The following LMF1 variants were observed in gnomAD, a reference collection of about 807,000 sequenced individuals.
LMF1 encodes the protein transmembrane protein 112.
A neutral mutation model predicts 60.6 loss-of-function variants in LMF1; 68 were observed. That is an observed-to-expected ratio of 1.12 (90% CI 0.92 to 1.37). The LOEUF is 1.37. Ranked by LOEUF, LMF1 falls within the 40% of genes most tolerant of loss-of-function variation. LMF1 has a pLI of 0.00. For synonymous variants in LMF1, 418 were observed against 324.7 expected (o/e 1.29, Z -3.09); for missense variants, 948 against 767.2 (o/e 1.24, Z -2.78).
chr16:866,205 T>C (rs559824475), intron 10 of LMF1, among the ~76,000 whole-genome samples: 1 of 152,322 alleles, frequency 6.6e-6, no homozygotes, highest in South Asian at 2.1e-4. Flanking sequence ...TATTAGGAGA[T>C]TTTGGATCTT....
rs79103846 is a variant in LMF1 at position 930,022 on chromosome 16, C to T, written c.514+4222G>A. On this transcript the variant is annotated intron_variant, in intron 3 of 10. Coordinates refer to ENST00000262301, the MANE Select transcript of LMF1 (RefSeq NM_022773.4). The stretch of plus-strand genomic sequence containing the variant: ...AGCCCAGGACAGCAGTGGTCGCGTC[C>T]GTGTGAACGGGGGCACAGGGCCCTG... 2.7e-5 allele frequency among the ~76,000 whole-genome samples: 4 copies of T among 145,508 alleles called. No homozygotes were observed. In the South Asian group the frequency reaches 6.6e-4, roughly 24 times the overall value.
chr16:929,662 C>T (rs981388739), intron 3 of LMF1, among the ~76,000 whole-genome samples: 3 of 152,264 alleles, frequency 2.0e-5, no homozygotes, highest in Non-Finnish European at 2.9e-5. Flanking sequence ...AATTCATTAC[C>T]GTCAGGCTCC....
At chr16:945,199 G>A (rs1258273146) in intron 2 of LMF1, among the ~76,000 whole-genome samples, 4 of 90,832 alleles carry the variant, frequency 4.4e-5, no homozygotes, top group South Asian at 4.4e-4. Flanking sequence ...CGACAAGAGC[G>A]AGACTCCATC....
intron 3 of LMF1, among the ~76,000 whole-genome samples, chr16:931,366 G>A (rs1009404185): frequency 5.9e-5 from 9 of 152,238 alleles, no homozygotes; most frequent in African/African-American, 1.4e-4. Flanking sequence ...TTTGCGGGCC[G>A]CAGGGTCCCA....
intron 2 of LMF1, among the ~76,000 whole-genome samples, chr16:940,211 C>T (rs780376050): frequency 1.1e-4 from 17 of 152,122 alleles, no homozygotes; most frequent in Non-Finnish European, 2.4e-4. Context: ...CTGGCCCTGC[C>T]GACACCCTGA....
At chr16:970,082 C>T (rs1423415635) in intron 1 of LMF1, among the ~76,000 whole-genome samples, 52 of 152,248 alleles carry the variant, frequency 3.4e-4, no homozygotes, top group Non-Finnish European at 1.5e-5. Context: ...GCAGGCTTCA[C>T]TTGCAGATGA....
chr16:862,078 C>G (rs1026885111), intron 10 of LMF1, among the ~76,000 whole-genome samples: 5 of 151,192 alleles, frequency 3.3e-5, no homozygotes, highest in African/African-American at 1.2e-4. Context: ...ATCTCATCGA[C>G]TGATTCTCAA....
intron 5 of LMF1, among the ~76,000 whole-genome samples, chr16:888,592 C>A (rs906452390): frequency 2.2e-4 from 34 of 152,228 alleles, no homozygotes; most frequent in African/African-American, 8.2e-4. Context: ...CATTCACAAC[C>A]TGCTGTTGCA....
At chr16:894,869 A>G (rs565460700) in intron 4 of LMF1, among the ~76,000 whole-genome samples, 1 of 152,272 alleles carries the variant, frequency 6.6e-6, no homozygotes, top group South Asian at 2.1e-4. Context: ...GGGTTTCCAC[A>G]CGAAATGGAA....
rs539750134 is a variant in LMF1 at position 871,196 on chromosome 16, C to T, written c.1043G>A (p.Arg348Lys). 1 of 1,609,874 alleles carries T rather than the reference C, an allele frequency of 6.2e-7. No homozygotes were observed. Among genetic ancestry groups the T allele is most frequent in the Non-Finnish European group, 8.5e-7 (1 of 1,178,844 alleles). ...SLKDRVLQMQ[R>K]DIRGARPEPR... ...CTCGGGCCGGGCCCCTCGGATGTCCCTCTGCATCTGCAGAACTCGGTCCTT... is the reference window on the plus strand; with the variant it reads ...CTCGGGCCGGGCCCCTCGGATGTCCTTCTGCATCTGCAGAACTCGGTCCTT... The change falls in exon 7 of 11, where the codon AGG becomes AAG. Residue 348 changes from arginine to lysine, a missense_variant. Transcript: ENST00000262301.
Position 874,984 on chromosome 16 carries a change from A to G in LMF1, c.898-3643T>C, listed in dbSNP as rs983693814. ...CACACTGCCTGTGAGGGGGCAGGAT[A>G]CATCGCAGCCGGGACTGCCGGCCGA... On this transcript the variant is annotated intron_variant, in intron 6 of 10. Transcript: ENST00000262301. The surrounding 1 kb of genome is among the most constrained non-coding windows in gnomAD (Gnocchi z 4.1). Among the ~76,000 whole-genome samples, 1 of 152,178 alleles carries G rather than the reference A, an allele frequency of 6.6e-6. No individual in the cohort carries two copies. The highest frequency in any genetic ancestry group is 1.5e-5 in the Non-Finnish European group (1 of 68,016).
chr16:859,180 G>C (rs1253963717), intron 10 of LMF1, among the ~76,000 whole-genome samples: 1 of 132,042 alleles, frequency 7.6e-6, no homozygotes. Flanking sequence ...GGGTGTGAGT[G>C]GTGTCTCGGG....
In LMF1 at chr16:892,478, C is replaced by T. The variant is rs566659919; in HGVS notation, c.729+529G>A. On this transcript the variant is annotated intron_variant, in intron 5 of 10. Coordinates refer to ENST00000262301, the MANE Select transcript of LMF1 (RefSeq NM_022773.4). ...ACCACTCCCAGCCCCCATGTGAACA[C>T]GTGAGCAGTTGGCAGGAACTGGGGC... Among the ~76,000 whole-genome samples the T allele has an allele frequency of 7.7e-4, 117 of 152,342 alleles. 1 individual carries two copies. Among genetic ancestry groups the T allele is most frequent in the African/African-American group, 2.7e-3 (112 of 41,590 alleles).
intron 2 of LMF1, among the ~76,000 whole-genome samples, chr16:937,099 G>C (rs1278560665): frequency 6.6e-6 from 1 of 152,188 alleles, no homozygotes; most frequent in African/African-American, 2.4e-5. Context: ...CCTTCACATC[G>C]GCTGAGGGTG....
intron 10 of LMF1, among the ~76,000 whole-genome samples, chr16:865,741 C>G (rs2069593302): frequency 6.6e-6 from 1 of 152,192 alleles, no homozygotes; most frequent in Non-Finnish European, 1.5e-5. Context: ...AGCCCTAAAG[C>G]TCACTCTGTC....
At chr16:893,600 G>A (rs752345229) in intron 4 of LMF1, among the ~76,000 whole-genome samples, 2 of 152,142 alleles carry the variant, frequency 1.3e-5, no homozygotes, top group Admixed American at 6.5e-5. Context: ...CCTGGGGCAC[G>A]GGACAGGCTT....
intron 1 of LMF1, chr16:981,106 T>G: frequency 7.9e-6 from 3 of 380,542 alleles, no homozygotes; most frequent in Non-Finnish European, 1.1e-5. Flanking sequence ...CGGCCCGGGG[T>G]CCCCCAGCTC....
Position 962,831 on chromosome 16 carries a change from A to G in LMF1, c.193+7957T>C, listed in dbSNP as rs117257753. On this transcript the variant is annotated intron_variant, in intron 1 of 10. Transcript: ENST00000262301. This position sits in a 1 kb window ranked among gnomAD's most constrained non-coding sequence, Gnocchi z 4.5. Reference sequence around the variant, plus strand: ...TAATAGTTTTATTTTTAATAAAAAAATTTTAAAAAGTAAAGGTTTCTCGAA... The same window carrying G: ...TAATAGTTTTATTTTTAATAAAAAAGTTTTAAAAAGTAAAGGTTTCTCGAA... Among the ~76,000 whole-genome samples the G allele has an allele frequency of 0.049, 7,472 of 152,248 alleles. 203 individuals are homozygous for G. The highest frequency in any genetic ancestry group is 0.066 in the Non-Finnish European group (4,464 of 68,002).
At chr16:947,624 A>G in intron 2 of LMF1, 4 of 455,900 alleles carry the variant, frequency 8.8e-6, no homozygotes, top group South Asian at 4.6e-5. Context: ...ACTTTGGTCC[A>G]AGTTTCTGGA....
Sources: gnomAD v4.1 joint callset for allele counts (sites outside exome capture counted in the v4.1 genomes callset) on GRCh38, gnomAD v4.1.1 for gene constraint, Gnocchi (gnomAD v3.1) non-coding constraint, MANE v1.5 for transcripts, NCBI Gene and HGNC (gene_info 2026-07-23, HGNC 2026-07-21) for gene names.